The following GGA2 variants were observed in gnomAD, a reference collection of about 807,000 sequenced individuals.
GGA2 encodes the protein ADP-ribosylation factor-binding protein GGA2.
GGA2 carries 48 observed loss-of-function variants against 79.5 expected under a neutral mutation model. The observed-to-expected ratio is 0.60, with a 90% CI of 0.48 to 0.77. The LOEUF is 0.77. Ranked by LOEUF, GGA2 falls within the 30% of genes least tolerant of loss-of-function variation. The pLI is 0.00. For synonymous variants in GGA2, 317 were observed against 302.0 expected (o/e 1.05, Z -0.51); for missense variants, 770 against 774.0 (o/e 0.99, Z 0.06).
Position 23,510,415 on chromosome 16 carries a change from TC to T in GGA2, c.-5del. On this transcript the variant is annotated 5_prime_UTR_variant, in exon 1 of 17. Transcript: ENST00000309859. ...CCGCCACCGCGGTCGCCGCCATCGC[TC>T]CAGCCCCGACGCTGCGGCCGCGGGC... 1 of 1,264,740 alleles carries T rather than the reference TC, an allele frequency of 7.9e-7. No homozygotes were observed. Among genetic ancestry groups the T allele is most frequent in the East Asian group, 3.2e-5 (1 of 31,724 alleles). The allele number at this position is 1,264,740 out of a possible 1,614,324, so 78.3% of individuals were successfully genotyped here. A position where few individuals can be genotyped will look rare whatever the true frequency, so the allele number is the denominator to read the frequency against.
In GGA2 at chr16:23,510,392, GCCA is replaced by G; in HGVS notation, c.17_19del (p.Val6del). 1 of 1,392,692 alleles carries G rather than the reference GCCA, an allele frequency of 7.2e-7. No individual in the cohort carries two copies. The highest frequency in any genetic ancestry group is 9.3e-7 in the Non-Finnish European group (1 of 1,069,586). 86.3% of individuals were successfully genotyped at this position (1,392,692 alleles called of 1,614,324 possible). On this transcript the variant is annotated inframe_deletion, in exon 1 of 17. Coordinates refer to ENST00000309859, the MANE Select transcript of GGA2 (RefSeq NM_015044.4). ...CGACTCGGTTCCCGCCACAGCCGCC[GCCA>G]CCGCGGTCGCCGCCATCGCTCCAGC... is the stretch of plus-strand genomic sequence containing the variant.
At chr16:23,468,806 C>CCTCT (rs924919396) in intron 16 of GGA2, 80 bp downstream of exon 16, 13 of 789,392 alleles carry the variant, frequency 1.6e-5, no homozygotes, top group Non-Finnish European at 2.9e-5. Flanking sequence ...CCTCAATGTG[C>CCTCT]CTCTCTCTAC....
chr16:23,505,771 AGGC>A (rs938187423), intron 1 of GGA2, among the ~76,000 whole-genome samples: 4 of 151,662 alleles, frequency 2.6e-5, no homozygotes, highest in African/African-American at 7.3e-5. Context: ...CCAAGCCAAC[AGGC>A]GGAAGAACAA....
chr16:23,480,776 G>A lies in GGA2; in HGVS notation c.881-6C>T, dbSNP rs755212469. On this transcript the variant is annotated splice_region_variant and splice_polypyrimidine_tract_variant and intron_variant, in intron 9 of 16. Transcript: ENST00000309859. Reference sequence around the variant, plus strand: ...ATTTGCCTGGAGAATTTCCGCTGAAGAATGAGGGAAGACTCAGAACCCCCT... The same window carrying A: ...ATTTGCCTGGAGAATTTCCGCTGAAAAATGAGGGAAGACTCAGAACCCCCT... 8.7e-6 allele frequency: 14 copies of A among 1,606,434 alleles called. No individual in the cohort carries two copies. In the East Asian group the frequency reaches 3.1e-4, roughly 36 times the overall value.
chr16:23,509,719 G>T (rs528820734), intron 1 of GGA2, among the ~76,000 whole-genome samples: 1 of 147,752 alleles, frequency 6.8e-6, no homozygotes, highest in Non-Finnish European at 1.5e-5. Flanking sequence ...ATGAGACCCC[G>T]TCTCTTAAAG....
intron 6 of GGA2, among the ~76,000 whole-genome samples, chr16:23,487,309 T>C (rs577532752): frequency 4.8e-4 from 73 of 152,130 alleles, no homozygotes; most frequent in Non-Finnish European, 9.7e-4. Flanking sequence ...GGTAGGGGGA[T>C]GTGGGGGTTA....
At chr16:23,514,888 C>T (rs1478028001), upstream of GGA2, among the ~76,000 whole-genome samples, 2 of 151,954 alleles carry the variant, frequency 1.3e-5, no homozygotes, top group African/African-American at 2.4e-5. Context: ...TGCAGGGCCC[C>T]GCCACACAGT....
rs776625169 is a variant in GGA2, at chr16:23,474,865, G to C, written c.1450+39C>G. 7 of 1,481,720 alleles carry C rather than the reference G, an allele frequency of 4.7e-6. No homozygotes were observed. In the Admixed American group the frequency reaches 1.0e-4, roughly 21 times the overall value. 91.8% of individuals were successfully genotyped at this position (1,481,720 alleles called of 1,614,324 possible). A position where few individuals can be genotyped will look rare whatever the true frequency, so the allele number is the denominator to read the frequency against. On this transcript the variant is annotated intron_variant, in intron 14 of 16. Coordinates refer to ENST00000309859, the MANE Select transcript of GGA2 (RefSeq NM_015044.4). ...AGCTGGGAGTCTAATAGATTCCCAG[G>C]GAAAAAAAAAAAAAGGTGGGGAGTG...
rs1245187447 is a variant in GGA2 at position 23,465,782 on chromosome 16, A to T, written c.*1808T>A. 1.1e-5 allele frequency: 2 copies of T among 189,620 alleles called. No individual in the cohort carries two copies. The highest frequency in any genetic ancestry group is 2.2e-5 in the Non-Finnish European group (2 of 90,482). The allele number at this position is 189,620 out of a possible 1,614,324, so 11.7% of individuals were successfully genotyped here. On this transcript the variant is annotated 3_prime_UTR_variant, in exon 17 of 17. Transcript: ENST00000309859. ...ATGGTGAAATCCTGTCTCTACTAAAAATACAAAAATTAGCTGGGCGTGCTG... is the reference window on the plus strand; with the variant it reads ...ATGGTGAAATCCTGTCTCTACTAAATATACAAAAATTAGCTGGGCGTGCTG...
chr16:23,475,362 G>T lies in GGA2; in HGVS notation c.1293-301C>A, dbSNP rs377387731. Among the ~76,000 whole-genome samples, 16 of 151,492 alleles carry T rather than the reference G, an allele frequency of 1.1e-4. No homozygotes were observed. The East Asian group carries it at 2.0e-3, about 19-fold the overall frequency. ...CTGCCACCATGTCCGACTAATTTTT[G>T]TATTTTTATTAGAGACAGGGTTTCA... On this transcript the variant is annotated intron_variant, in intron 13 of 16. Coordinates refer to ENST00000309859, the MANE Select transcript of GGA2 (RefSeq NM_015044.4).
intron 1 of GGA2, among the ~76,000 whole-genome samples, chr16:23,506,270 C>T (rs1464982992): frequency 1.3e-5 from 2 of 152,056 alleles, no homozygotes. Context: ...AATCCCACGA[C>T]CCCCTTATCC....
intron 1 of GGA2, among the ~76,000 whole-genome samples, chr16:23,498,109 G>A (rs1044884962): frequency 1.3e-5 from 2 of 151,534 alleles, no homozygotes; most frequent in African/African-American, 2.4e-5. Context: ...GTGAAATCCC[G>A]TCTCTACCAA....
chr16:23,494,071 T>G, intron 3 of GGA2: 1 of 554,852 alleles, frequency 1.8e-6, no homozygotes, highest in East Asian at 3.0e-5. Context: ...AAAACCTTCC[T>G]TTCCTTCTCC....
chr16:23,469,885 G>C (rs189797084), intron 15 of GGA2, 111 bp downstream of exon 15: 2 of 763,266 alleles, frequency 2.6e-6, no homozygotes, highest in Non-Finnish European at 4.0e-6. Flanking sequence ...TTTATCTTCA[G>C]TTAGTTTGAG....
chr16:23,509,766 ACACACACACGTGTGT>A lies in GGA2; in HGVS notation c.91+540_91+554del, dbSNP rs1965014813. 1.2e-4 allele frequency among the ~76,000 whole-genome samples: 18 copies of A among 149,810 alleles called. 1 individual carries two copies. The highest frequency in any genetic ancestry group is 4.4e-4 in the African/African-American group (18 of 40,918). On this transcript the variant is annotated intron_variant, in intron 1 of 16. Transcript: ENST00000309859. ...CACACATATATATATATACGCACAC[ACACACACACGTGTGT>A]GTGTGTTTAAAAAAAAAAGTCTGGC... is the stretch of plus-strand genomic sequence containing the variant.
chr16:23,470,305 C>A (rs1319637493), intron 14 of GGA2, 140 bp from the exon 15 acceptor site: 1 of 579,954 alleles, frequency 1.7e-6, no homozygotes, highest in East Asian at 3.1e-5. Flanking sequence ...TTCCTCTGCA[C>A]TACCATAATC....
At chr16:23,478,827 G>T in intron 12 of GGA2, 56 bp downstream of exon 12, 1 of 1,234,702 alleles carries the variant, frequency 8.1e-7, no homozygotes, top group Non-Finnish European at 1.2e-6. Flanking sequence ...TGCCTCACAA[G>T]GGCAGGTCTG....
At chr16:23,502,537 G>A (rs1407754968) in intron 1 of GGA2, among the ~76,000 whole-genome samples, 1 of 152,198 alleles carries the variant, frequency 6.6e-6, no homozygotes, top group Non-Finnish European at 1.5e-5. Context: ...GTCAACAAAA[G>A]CCTCTTAATA....
chr16:23,516,402 C>T (rs769635335), intron 2 of GGA2, among the ~76,000 whole-genome samples: 7 of 152,260 alleles, frequency 4.6e-5, no homozygotes, highest in East Asian at 3.9e-4. Flanking sequence ...CTCTGGAGAA[C>T]CCTAACCTAG....
Sources: gnomAD v4.1 joint callset for allele counts (sites outside exome capture counted in the v4.1 genomes callset) on GRCh38, gnomAD v4.1.1 for gene constraint, MANE v1.5 for transcripts, NCBI Gene and HGNC (gene_info 2026-07-23, HGNC 2026-07-21) for gene names.